Variants in OR6N1 observed in about 807,000 individuals in gnomAD.
The protein encoded by OR6N1 is olfactory receptor family 6 subfamily N member 1, also known as olfactory receptor 6N1.
For synonymous variants in OR6N1, 170 were observed against 150.7 expected (o/e 1.13, Z -0.94); for missense variants, 394 against 371.7 (o/e 1.06, Z -0.49).
Position 158,765,463 on chromosome 1 carries a change from A to T in OR6N1, c.*281T>A, listed in dbSNP as rs953253810. Reference sequence around the variant, plus strand: ...AATAGGTAAGACACAGATTTTAAAAAAAACCTAAGTGTGATACATAAACAT... The same window carrying T: ...AATAGGTAAGACACAGATTTTAAAATAAACCTAAGTGTGATACATAAACAT... On this transcript the variant is annotated 3_prime_UTR_variant, in exon 2 of 2. Transcript: ENST00000641846. The T allele has an allele frequency of 3.0e-4, 89 of 293,342 alleles. No individual in the cohort carries two copies. The highest frequency in any genetic ancestry group is 3.9e-4 in the Non-Finnish European group (61 of 157,052). The allele number at this position is 293,342 out of a possible 1,614,324, so 18.2% of individuals were successfully genotyped here.
At chr1:158,777,877 A>G in the OR6N1 span, among the ~76,000 whole-genome samples, 1 of 152,204 alleles carries the variant, frequency 6.6e-6, no homozygotes, top group East Asian at 1.9e-4. Flanking sequence ...TTTATACTTC[A>G]ATGAGATAAG....
the OR6N1 span, among the ~76,000 whole-genome samples, chr1:158,812,037 A>T: frequency 6.6e-6 from 1 of 152,298 alleles, no homozygotes; most frequent in East Asian, 1.9e-4. Context: ...TGCAGGATGA[A>T]TGGTTGCAAC....
At chr1:158,797,448 C>T in the OR6N1 span, among the ~76,000 whole-genome samples, 1 of 152,204 alleles carries the variant, frequency 6.6e-6, no homozygotes, top group African/African-American at 2.4e-5. Flanking sequence ...ACCCCAGAAA[C>T]TATCTCATCC....
rs572416173 is a variant in OR6N1, at chr1:158,766,522, C to T, written c.161G>A (p.Arg54Gln). Reference protein sequence around the residue: ...LIFLVVCLDSRLHTPMYHFVS... With the variant: ...LIFLVVCLDSQLHTPMYHFVS... ...AAAGTGGTACATGGGTGTGTGAAGCCGGGAGTCCAGGCAGACCACCAGGAA... is the reference window on the plus strand; with the variant it reads ...AAAGTGGTACATGGGTGTGTGAAGCTGGGAGTCCAGGCAGACCACCAGGAA... Residue 54 changes from arginine (R) to glutamine (Q), a missense_variant, in exon 2 of 2, where the codon CGG (arginine) becomes CAG (glutamine). Physicochemically the swap from Arg to Gln is conservative, Grantham distance 43. Transcript: ENST00000641846. 30 of 1,613,804 alleles carry T rather than the reference C, an allele frequency of 1.9e-5. No homozygotes were observed. Among genetic ancestry groups the T allele is most frequent in the East Asian group, 1.3e-4 (6 of 44,866 alleles).
At chr1:158,834,533 T>C in the OR6N1 span, among the ~76,000 whole-genome samples, 3 of 152,302 alleles carry the variant, frequency 2.0e-5, no homozygotes, top group South Asian at 2.1e-4. Flanking sequence ...TCATCAAATA[T>C]ATAAAGTGTG....
upstream of OR6N1, chr1:158,777,136 G>A (rs773345517): frequency 6.2e-7 from 1 of 1,614,050 alleles, no homozygotes; most frequent in African/African-American, 1.3e-5. Flanking sequence ...AGCACAAAAT[G>A]GGAGCTGGGA....
intron 1 of OR6N1, among the ~76,000 whole-genome samples, chr1:158,769,627 T>C (rs905254262): frequency 1.3e-5 from 2 of 152,194 alleles, no homozygotes; most frequent in Non-Finnish European, 2.9e-5. Context: ...TTATCACTTC[T>C]TCCCTCTCCA....
At position 158,766,108 on chromosome 1, in the gene OR6N1, G is replaced by A. The variant is rs145412510; in HGVS notation, c.575C>T (p.Thr192Met). ...PPVLSLACTD[T>M]SINVLVDFVI... ...AAAATCTACTAGGACATTTATAGAC[G>A]TATCAGTGCAAGCCAAACTCAGCAC... is the stretch of plus-strand genomic sequence containing the variant. Residue 192 changes from threonine to methionine, a missense_variant, in exon 2 of 2, where the codon ACG becomes ATG. Coordinates refer to ENST00000641846, the MANE Select transcript of OR6N1 (RefSeq NM_001005185.2). The A allele has an allele frequency of 5.0e-5, 81 of 1,614,122 alleles. No individual in the cohort carries two copies. The highest frequency in any genetic ancestry group is 3.9e-4 in the African/African-American group (29 of 75,038).
chr1:158,837,823 AT>A, the OR6N1 span, among the ~76,000 whole-genome samples: 1 of 140,734 alleles, frequency 7.1e-6, no homozygotes, highest in Non-Finnish European at 1.6e-5. Flanking sequence ...CTTTTTGTTG[AT>A]TTTTTTCTGT....
chr1:158,786,434 G>C, the OR6N1 span, among the ~76,000 whole-genome samples: 1 of 152,108 alleles, frequency 6.6e-6, no homozygotes, highest in Non-Finnish European at 1.5e-5. Context: ...AAAAACAGTA[G>C]GGAGATTCCT....
At chr1:158,796,224 T>A in the OR6N1 span, 7 of 152,222 alleles carry the variant, frequency 4.6e-5, no homozygotes, top group African/African-American at 1.7e-4. Context: ...GGACCTAGTA[T>A]GCTTCAGAGT....
the OR6N1 span, among the ~76,000 whole-genome samples, chr1:158,779,210 G>T: frequency 6.6e-6 from 1 of 151,976 alleles, no homozygotes; most frequent in Admixed American, 6.6e-5. Context: ...GATGCAAAAA[G>T]AAAACAATAA....
chr1:158,807,283 G>T, the OR6N1 span, among the ~76,000 whole-genome samples: 1 of 152,188 alleles, frequency 6.6e-6, no homozygotes, highest in Non-Finnish European at 1.5e-5. Flanking sequence ...CATGAAGGCA[G>T]CTGTAACTAT....
At chr1:158,838,736 T>C in the OR6N1 span, among the ~76,000 whole-genome samples, 1 of 152,156 alleles carries the variant, frequency 6.6e-6, no homozygotes, top group Non-Finnish European at 1.5e-5. Context: ...TCCCACTTGA[T>C]GAACTTTATA....
chr1:158,832,114 T>C, the OR6N1 span, among the ~76,000 whole-genome samples: 1 of 152,132 alleles, frequency 6.6e-6, no homozygotes, highest in African/African-American at 2.4e-5. Context: ...GAAGAAATAA[T>C]TCTCTTTTTC....
chr1:158,829,629 G>A, the OR6N1 span, among the ~76,000 whole-genome samples: 3 of 152,104 alleles, frequency 2.0e-5, no homozygotes, highest in Admixed American at 6.5e-5. Context: ...CTTCTTCTGA[G>A]CCTTCCAAAC....
chr1:158,833,376 T>C, the OR6N1 span, among the ~76,000 whole-genome samples: 5 of 152,210 alleles, frequency 3.3e-5, no homozygotes, highest in Admixed American at 2.6e-4. Flanking sequence ...GCTTCAAGTG[T>C]ACAGTTCAGT....
chr1:158,819,278 T>A, the OR6N1 span, among the ~76,000 whole-genome samples: 1 of 151,762 alleles, frequency 6.6e-6, no homozygotes. Context: ...CAGCTAGGAG[T>A]CCCTTCCCCA....
chr1:158,804,132 C>A, the OR6N1 span, among the ~76,000 whole-genome samples: 2 of 152,190 alleles, frequency 1.3e-5, no homozygotes, highest in African/African-American at 4.8e-5. Flanking sequence ...GAAAATGCAA[C>A]AAAGCGTTAT....
Sources: gnomAD v4.1 joint callset for allele counts (sites outside exome capture counted in the v4.1 genomes callset) on GRCh38, gnomAD v4.1.1 for gene constraint, MANE v1.5 for transcripts, NCBI Gene and HGNC (gene_info 2026-07-23, HGNC 2026-07-21) for gene names.